The following SORCS3 variants were observed in gnomAD, a reference collection of about 807,000 sequenced individuals.
SORCS3 encodes the protein VPS10 domain-containing receptor SorCS3.
Under a neutral mutation model 146.3 loss-of-function variants are expected in SORCS3, and 57 were observed. The observed-to-expected ratio is 0.39, with a 90% CI of 0.31 to 0.49. The LOEUF (loss-of-function observed/expected upper bound fraction) is 0.49, where lower values mean the gene tolerates loss of function less well. Among genes scored for constraint, SORCS3 ranks in the 20% least tolerant of loss-of-function variants. SORCS3 has a pLI of 0.92. For missense variants in SORCS3, 1,341 were observed against 1,575.5 expected, an observed-to-expected ratio of 0.85 and a Z score of 2.52; for synonymous variants, 653 against 618.5, an observed-to-expected ratio of 1.06 and a Z score of -0.83.
rs72352792 is a variant in SORCS3 at position 104,780,137 on chromosome 10, G to GTT, written c.628-62643_628-62642dup. ...GGAAGAATTGCCCTGAGAGGAGGCA[G>GTT]TTTTTTTTTTTTTAAGCCACAACGG... is the stretch of plus-strand genomic sequence containing the variant. On this transcript the variant is annotated intron_variant, in intron 1 of 26. Coordinates refer to ENST00000369701, the MANE Select transcript of SORCS3 (RefSeq NM_014978.3). 3.6e-3 allele frequency among the ~76,000 whole-genome samples: 530 copies of GTT among 145,244 alleles called. 4 individuals carry two copies. The highest frequency in any genetic ancestry group is 0.03 in the South Asian group (136 of 4,568).
chr10:105,237,410 G>A (rs1376480059), intron 20 of SORCS3, among the ~76,000 whole-genome samples: 2 of 152,194 alleles, frequency 1.3e-5, no homozygotes, highest in African/African-American at 4.8e-5. Flanking sequence ...GCATTTGGAA[G>A]TATTAGTCAC....
intron 5 of SORCS3, among the ~76,000 whole-genome samples, chr10:105,078,541 A>C (rs2055603383): frequency 6.6e-6 from 1 of 152,202 alleles, no homozygotes; most frequent in African/African-American, 2.4e-5. Flanking sequence ...AGATTATATT[A>C]CTATCTCAAA....
intron 2 of SORCS3, among the ~76,000 whole-genome samples, chr10:104,911,546 A>G (rs2018967781): frequency 6.6e-6 from 1 of 152,168 alleles, no homozygotes; most frequent in South Asian, 2.1e-4. Context: ...TCCTGCAGGG[A>G]TCCCTGAGAA....
chr10:104,751,201 T>G (rs1246252265), intron 1 of SORCS3, among the ~76,000 whole-genome samples: 5 of 152,156 alleles, frequency 3.3e-5, no homozygotes, highest in Non-Finnish European at 5.9e-5. Context: ...CACAGAGAGA[T>G]AAATTTGGGG....
chr10:105,109,923 T>C (rs916512120), intron 7 of SORCS3, among the ~76,000 whole-genome samples: 1 of 152,088 alleles, frequency 6.6e-6, no homozygotes, highest in African/African-American at 2.4e-5. Flanking sequence ...TTTTCTTTAT[T>C]TTTTAATTTC....
intron 2 of SORCS3, among the ~76,000 whole-genome samples, chr10:104,915,025 T>G (rs1353746771): frequency 6.6e-6 from 1 of 151,908 alleles, no homozygotes; most frequent in Admixed American, 6.6e-5. Context: ...TGGGGACAGG[T>G]GAACAGTATG....
chr10:105,201,966 G>A (rs2056577269), intron 16 of SORCS3, among the ~76,000 whole-genome samples: 1 of 152,100 alleles, frequency 6.6e-6, no homozygotes, highest in Non-Finnish European at 1.5e-5. Context: ...GTTGCCAGAA[G>A]GGTTTGGTTT....
At chr10:105,013,112 C>T (rs1446461460) in intron 4 of SORCS3, among the ~76,000 whole-genome samples, 1 of 152,098 alleles carries the variant, frequency 6.6e-6, no homozygotes, top group African/African-American at 2.4e-5. Context: ...AAAACTACAT[C>T]AGTCTCTCAA....
chr10:105,083,903 A>C (rs1300899650), intron 5 of SORCS3, among the ~76,000 whole-genome samples: 1 of 152,150 alleles, frequency 6.6e-6, no homozygotes, highest in Non-Finnish European at 1.5e-5. Context: ...ACTCTAGGAG[A>C]GATGGATGGG....
intron 2 of SORCS3, among the ~76,000 whole-genome samples, chr10:104,858,919 C>A (rs2018367418): frequency 2.2e-5 from 3 of 138,400 alleles, no homozygotes; most frequent in African/African-American, 5.5e-5. Context: ...CCGCACCTGG[C>A]CTGAGAAGTG....
chr10:104,965,882 A>C (rs2054823642), intron 3 of SORCS3, among the ~76,000 whole-genome samples: 1 of 152,138 alleles, frequency 6.6e-6, no homozygotes, highest in African/African-American at 2.4e-5. Flanking sequence ...AATAAGCTTA[A>C]TATAATGGAT....
At chr10:104,754,542 G>A (rs542766179) in intron 1 of SORCS3, among the ~76,000 whole-genome samples, 24 of 152,254 alleles carry the variant, frequency 1.6e-4, no homozygotes, top group African/African-American at 3.6e-4. Flanking sequence ...CCCCCCTGGC[G>A]TTTTTGGTTT....
intron 1 of SORCS3, among the ~76,000 whole-genome samples, chr10:104,759,818 G>A (rs2133475555): frequency 6.6e-6 from 1 of 152,236 alleles, no homozygotes; most frequent in East Asian, 1.9e-4. Flanking sequence ...ATGTCCTGTT[G>A]GTTCTGGGTC....
intron 4 of SORCS3, among the ~76,000 whole-genome samples, chr10:104,999,384 CA>C (rs1406202884): frequency 2.0e-5 from 3 of 152,112 alleles, no homozygotes; most frequent in Non-Finnish European, 4.4e-5. Context: ...AGAAAGCAGA[CA>C]ATTCCAGTTT....
At chr10:105,090,508 G>A (rs1161816791) in intron 6 of SORCS3, among the ~76,000 whole-genome samples, 1 of 152,140 alleles carries the variant, frequency 6.6e-6, no homozygotes, top group African/African-American at 2.4e-5. Context: ...TCTCAGAGTT[G>A]TTTATACTTA....
At chr10:105,167,226 T>C in intron 12 of SORCS3, 32 bp from the exon 13 acceptor site, 1 of 1,517,758 alleles carries the variant, frequency 6.6e-7, no homozygotes, top group Non-Finnish European at 9.1e-7. Context: ...AAGGTGTTGC[T>C]ATGATTGTTG....
intron 5 of SORCS3, among the ~76,000 whole-genome samples, chr10:105,087,591 T>G (rs2055672044): frequency 6.6e-6 from 1 of 152,076 alleles, no homozygotes. Context: ...TGGCCTCAAG[T>G]GTTTTACATT....
At chr10:104,774,515 G>A (rs748959652) in intron 1 of SORCS3, among the ~76,000 whole-genome samples, 15 of 152,178 alleles carry the variant, frequency 9.9e-5, no homozygotes, top group Non-Finnish European at 2.1e-4. Flanking sequence ...TGGAGAAAAC[G>A]AGGTGGGAAA....
intron 2 of SORCS3, among the ~76,000 whole-genome samples, chr10:104,848,594 C>A (rs1380329803): frequency 2.0e-5 from 3 of 152,158 alleles, no homozygotes; most frequent in Admixed American, 1.3e-4. Context: ...AAGCCTTCCA[C>A]CCCATTCGCT....
Sources: gnomAD v4.1 joint callset for allele counts (sites outside exome capture counted in the v4.1 genomes callset) on GRCh38, gnomAD v4.1.1 for gene constraint, MANE v1.5 for transcripts, NCBI Gene and HGNC (gene_info 2026-07-23, HGNC 2026-07-21) for gene names.